The following MACROD2 variants were observed in gnomAD, a reference collection of about 807,000 sequenced individuals.
The protein encoded by MACROD2 is mono-ADP ribosylhydrolase 2.
MACROD2 carries 36 observed loss-of-function variants against 70.4 expected under a neutral mutation model. That is an observed-to-expected ratio of 0.51 (90% confidence interval 0.39 to 0.68). MACROD2 has a LOEUF of 0.68. MACROD2 is among the 30% of genes least tolerant of loss of function. The pLI, the probability that MACROD2 is intolerant of heterozygous loss-of-function variation, is 0.00. For missense variants in MACROD2, 496 were observed against 538.4 expected (o/e 0.92, Z 0.78); for synonymous variants, 172 against 178.8 (o/e 0.96, Z 0.30).
intron 5 of MACROD2, among the ~76,000 whole-genome samples, chr20:15,193,237 A>G (rs1454080465): frequency 6.6e-6 from 1 of 152,184 alleles, no homozygotes; most frequent in African/African-American, 2.4e-5. Context: ...GTATTACTTT[A>G]AAAGAAGTTC....
chr20:14,709,139 C>G (rs2071306422), intron 5 of MACROD2, among the ~76,000 whole-genome samples: 2 of 152,084 alleles, frequency 1.3e-5, no homozygotes, highest in Admixed American at 1.3e-4. Context: ...CTGTTTCAAT[C>G]CTGACTGAGG....
rs2046802600 is a variant in MACROD2 at position 15,460,991 on chromosome 20, TATATA to T, written c.571+29557_571+29561del. Among the ~76,000 whole-genome samples, 4 of 80,520 alleles carry T rather than the reference TATATA, an allele frequency of 5.0e-5. 1 individual carries two copies. In the South Asian group the frequency reaches 1.6e-3, roughly 33 times the overall value. The allele number at this position is 80,520 out of a possible 152,430, so 52.8% of individuals were successfully genotyped here. ...CTCTCTCTCTCCATATATATATATATATATATATATATATATTTTTTTTTAATAGA... is the reference window on the plus strand; with the variant it reads ...CTCTCTCTCTCCATATATATATATATTATATATATATTTTTTTTTAATAGA... On this transcript the variant is annotated intron_variant, in intron 7 of 17. Coordinates refer to ENST00000684519, the MANE Select transcript of MACROD2 (RefSeq NM_001351661.2).
chr20:15,157,413 G>T (rs1470077382), intron 5 of MACROD2, among the ~76,000 whole-genome samples: 1 of 143,964 alleles, frequency 6.9e-6, no homozygotes, highest in East Asian at 2.1e-4. Context: ...TCACATCAGG[G>T]GCTGGAGCTT....
At chr20:14,041,463 A>C (rs897223927) in intron 2 of MACROD2, among the ~76,000 whole-genome samples, 2 of 152,216 alleles carry the variant, frequency 1.3e-5, no homozygotes, top group Non-Finnish European at 2.9e-5. Flanking sequence ...TTTTCAAAAA[A>C]TAAGGCAAAT....
In MACROD2 at chr20:14,002,396, A is replaced by T. The variant is rs755143380; in HGVS notation, c.155A>T (p.Gln52Leu). The T allele has an allele frequency of 1.9e-6, 3 of 1,586,070 alleles. No homozygotes were observed. Among genetic ancestry groups the T allele is most frequent in the Non-Finnish European group, 2.6e-6 (3 of 1,165,684 alleles). The change falls in exon 2 of 18, where the codon CAA becomes CTA. Residue 52 changes from glutamine (Q) to leucine (L), a missense_variant. By Grantham distance (113) the Gln-to-Leu change is moderately radical. Transcript: ENST00000684519. The stretch of plus-strand genomic sequence containing the variant: ...AAGGAGGAGATGAAGGGCAAGGGCC[A>T]AAATGATGGTAAGTTTCTCGGAACA... Reference protein sequence around the residue: ...SWKEEMKGKGQNDEENTQETS... With the variant: ...SWKEEMKGKGLNDEENTQETS...
intron 15 of MACROD2, among the ~76,000 whole-genome samples, chr20:16,007,218 A>C (rs1036053922): frequency 1.3e-5 from 2 of 152,232 alleles, no homozygotes; most frequent in Non-Finnish European, 2.9e-5. Context: ...GCTGCATTTT[A>C]TAAATGTTTG....
Position 15,006,005 on chromosome 20 carries a change from C to T in MACROD2, c.419-223935C>T, listed in dbSNP as rs533492007. On this transcript the variant is annotated intron_variant, in intron 5 of 17. Transcript: ENST00000684519. Reference sequence around the variant, plus strand: ...ACTCTACCTGACATATCGTCTCTAGCCTAAATGCTTTATTATAAACACAAT... The same window carrying T: ...ACTCTACCTGACATATCGTCTCTAGTCTAAATGCTTTATTATAAACACAAT... 1.8e-3 allele frequency among the ~76,000 whole-genome samples: 277 copies of T among 152,162 alleles called. 1 individual carries two copies. The highest frequency in any genetic ancestry group is 3.1e-3 in the Non-Finnish European group (212 of 68,016).
intron 8 of MACROD2, among the ~76,000 whole-genome samples, chr20:15,847,687 A>G (rs983645508): frequency 6.6e-6 from 1 of 152,190 alleles, no homozygotes; most frequent in Non-Finnish European, 1.5e-5. Context: ...TGTTTTCAGA[A>G]AGCCATCATT....
At chr20:15,020,872 G>A (rs553310346) in intron 5 of MACROD2, among the ~76,000 whole-genome samples, 46 of 151,414 alleles carry the variant, frequency 3.0e-4, no homozygotes, top group Admixed American at 1.9e-3. Context: ...GTAATGTGGC[G>A]CATGACTCTA....
At chr20:15,430,151 C>G (rs1040595258) in intron 6 of MACROD2, among the ~76,000 whole-genome samples, 3 of 151,916 alleles carry the variant, frequency 2.0e-5, no homozygotes, top group African/African-American at 7.2e-5. Flanking sequence ...TTTTCTTTAT[C>G]CAGTTCTCCA....
At position 15,387,378 on chromosome 20, in the gene MACROD2, T is replaced by TCTG. The variant is rs1175085754; in HGVS notation, c.541-44025_541-44024insGCT. On this transcript the variant is annotated intron_variant, in intron 6 of 17. Transcript: ENST00000684519. ...TCTATTCCTCTCCCTTTCTTCCCTC[T>TCTG]CTTCCTACCTCTCTGCAGTCTGCAC... Among the ~76,000 whole-genome samples the TCTG allele has an allele frequency of 1.6e-4, 10 of 61,288 alleles. No homozygotes were observed. The East Asian group carries it at 3.3e-3, about 20-fold the overall frequency. The allele number at this position is 61,288 out of a possible 152,430, so 40.2% of individuals were successfully genotyped here.
At chr20:15,087,234 G>A (rs960877) in intron 5 of MACROD2, among the ~76,000 whole-genome samples, 102 of 152,016 alleles carry the variant, frequency 6.7e-4, no homozygotes, top group African/African-American at 2.2e-3. Flanking sequence ...CAGGCTTAAA[G>A]ACAATTCAAA....
chr20:15,055,875 C>T (rs1266477824), intron 5 of MACROD2, among the ~76,000 whole-genome samples: 8 of 151,000 alleles, frequency 5.3e-5, no homozygotes, highest in Admixed American at 6.6e-5. Context: ...GGCTCACTGC[C>T]TCCTGAATTC....
intron 8 of MACROD2, among the ~76,000 whole-genome samples, chr20:15,736,989 G>A (rs1341566980): frequency 6.6e-6 from 1 of 152,188 alleles, no homozygotes; most frequent in Non-Finnish European, 1.5e-5. Flanking sequence ...AATAACCAGA[G>A]TTTTAATAAT....
At position 15,861,009 on chromosome 20, in the gene MACROD2, A is replaced by T. The variant is rs145780332; in HGVS notation, c.646-1736A>T. Among the ~76,000 whole-genome samples the T allele has an allele frequency of 2.3e-3, 355 of 152,214 alleles. 2 individuals are homozygous for T. Among genetic ancestry groups the T allele is most frequent in the African/African-American group, 8.0e-3 (331 of 41,522 alleles). On this transcript the variant is annotated intron_variant, in intron 8 of 17. Coordinates refer to ENST00000684519, the MANE Select transcript of MACROD2 (RefSeq NM_001351661.2). The stretch of plus-strand genomic sequence containing the variant: ...TTATTTGTATCATTCCAGTGGAAAG[A>T]CCCTAGTTAGAGATTAGTTGGCAGT...
intron 3 of MACROD2, among the ~76,000 whole-genome samples, chr20:14,125,769 G>GAA (rs200192338): frequency 6.7e-6 from 1 of 150,298 alleles, no homozygotes; most frequent in East Asian, 2.0e-4. Flanking sequence ...TATGTCTTCA[G>GAA]AAAAAAAAAT....
intron 5 of MACROD2, among the ~76,000 whole-genome samples, chr20:14,766,904 C>T (rs185486664): frequency 1.3e-5 from 2 of 152,106 alleles, no homozygotes; most frequent in East Asian, 1.9e-4. Flanking sequence ...CTGATTATAT[C>T]AGTTTAACTG....
At chr20:14,055,200 A>G (rs1237059898) in intron 2 of MACROD2, among the ~76,000 whole-genome samples, 1 of 152,192 alleles carries the variant, frequency 6.6e-6, no homozygotes, top group Non-Finnish European at 1.5e-5. Context: ...TTTTGTCTTA[A>G]ACATGAAATA....
At position 14,913,093 on chromosome 20, in the gene MACROD2, G is replaced by T. The variant is rs150569973; in HGVS notation, c.418+228134G>T. ...TGTGCACATGCGTGTATGTGTGTAT[G>T]GCTGTGTGAGTGTGTTAGTGTATGC... On this transcript the variant is annotated intron_variant, in intron 5 of 17. Transcript: ENST00000684519. 3.9e-4 allele frequency among the ~76,000 whole-genome samples: 60 copies of T among 152,284 alleles called. 1 individual carries two copies. Among genetic ancestry groups the T allele is most frequent in the African/African-American group, 1.1e-3 (44 of 41,558 alleles).
Sources: gnomAD v4.1 joint callset for allele counts (sites outside exome capture counted in the v4.1 genomes callset) on GRCh38, gnomAD v4.1.1 for gene constraint, MANE v1.5 for transcripts, NCBI Gene and HGNC (gene_info 2026-07-23, HGNC 2026-07-21) for gene names.